PDLIM5: variants seen among roughly 807,000 people sequenced by gnomAD.
PDLIM5 encodes the protein PDZ and LIM domain protein 5.
PDLIM5 carries 34 observed loss-of-function variants against 64.2 expected under a neutral mutation model. The observed-to-expected ratio is 0.53, with a 90% confidence interval of 0.40 to 0.71. PDLIM5 has a LOEUF of 0.71. Ranked by LOEUF, PDLIM5 falls within the 30% of genes least tolerant of loss-of-function variation. The probability of loss-of-function intolerance (pLI) is 0.00; values close to 1 mark genes in which losing one functional copy is unlikely to be tolerated. For synonymous variants in PDLIM5, 253 were observed against 269.1 expected (o/e 0.94, Z 0.59); for missense variants, 683 against 733.6 (o/e 0.93, Z 0.80).
chr4:94,658,535 C>G (rs1306221502), intron 11 of PDLIM5, among the ~76,000 whole-genome samples: 1 of 152,218 alleles, frequency 6.6e-6, no homozygotes, highest in East Asian at 1.9e-4. Context: ...AGTGCATTCT[C>G]ACTACTGAGT....
chr4:94,503,019 C>G (rs1728070929), intron 2 of PDLIM5, among the ~76,000 whole-genome samples: 1 of 151,994 alleles, frequency 6.6e-6, no homozygotes, highest in Non-Finnish European at 1.5e-5. Flanking sequence ...AGGTTTTTTC[C>G]TTTCTAGTTT....
At chr4:94,567,093 C>A (rs1490149525) in intron 3 of PDLIM5, among the ~76,000 whole-genome samples, 1 of 152,170 alleles carries the variant, frequency 6.6e-6, no homozygotes, top group African/African-American at 2.4e-5. Flanking sequence ...TCCCGGTTCA[C>A]GCTGTTCTCC....
At chr4:94,464,546 C>G (rs1045452437) in intron 2 of PDLIM5, among the ~76,000 whole-genome samples, 2 of 152,142 alleles carry the variant, frequency 1.3e-5, no homozygotes, top group Non-Finnish European at 2.9e-5. Flanking sequence ...AAAACGTTAC[C>G]GGAGGACAGA....
At chr4:94,636,787 G>A (rs972973300) in intron 8 of PDLIM5, among the ~76,000 whole-genome samples, 7 of 151,962 alleles carry the variant, frequency 4.6e-5, no homozygotes, top group Non-Finnish European at 7.4e-5. Flanking sequence ...CGCCCGCCTC[G>A]GCCTCCCAAA....
At chr4:94,479,919 C>G (rs746302446) in intron 2 of PDLIM5, among the ~76,000 whole-genome samples, 1 of 152,162 alleles carries the variant, frequency 6.6e-6, no homozygotes, top group Non-Finnish European at 1.5e-5. Context: ...TTTTCCACTG[C>G]CTTTCACCAG....
intron 9 of PDLIM5, among the ~76,000 whole-genome samples, chr4:94,650,608 A>C (rs1741768047): frequency 6.6e-6 from 1 of 152,200 alleles, no homozygotes; most frequent in Non-Finnish European, 1.5e-5. Flanking sequence ...ATCTACACGT[A>C]TATGAAAAAG....
chr4:94,478,844 T>G (rs1014533497), intron 2 of PDLIM5, among the ~76,000 whole-genome samples: 2 of 151,528 alleles, frequency 1.3e-5, no homozygotes, highest in East Asian at 3.9e-4. Context: ...TTTTTTTGGT[T>G]TAAATGAATT....
intron 2 of PDLIM5, among the ~76,000 whole-genome samples, chr4:94,494,939 G>A (rs564451047): frequency 2.6e-5 from 4 of 151,930 alleles, no homozygotes; most frequent in South Asian, 4.2e-4. Flanking sequence ...TAGTACAGAC[G>A]GGGTTTCACT....
At chr4:94,605,615 G>A (rs749025067) in intron 7 of PDLIM5, among the ~76,000 whole-genome samples, 13 of 152,184 alleles carry the variant, frequency 8.5e-5, no homozygotes, top group Non-Finnish European at 1.6e-4. Context: ...CATAGTAAAT[G>A]AGGTAGTTTA....
intron 5 of PDLIM5, among the ~76,000 whole-genome samples, chr4:94,579,926 T>C (rs966656322): frequency 6.6e-6 from 1 of 152,160 alleles, no homozygotes; most frequent in African/African-American, 2.4e-5. Context: ...CAAAAGCTGA[T>C]GGTAAAGTCT....
At chr4:94,617,003 C>T (rs761230572) in intron 7 of PDLIM5, among the ~76,000 whole-genome samples, 9 of 152,186 alleles carry the variant, frequency 5.9e-5, no homozygotes, top group Non-Finnish European at 1.2e-4. Context: ...AAATGAGTCT[C>T]GAACTCCTGA....
At position 94,662,481 on chromosome 4, in the gene PDLIM5, G is replaced by A. The variant is rs763954536; in HGVS notation, c.1645G>A (p.Asp549Asn). 6.2e-7 allele frequency: 1 copy of A among 1,608,798 alleles called. No individual in the cohort carries two copies. The highest frequency in any genetic ancestry group is 1.1e-5 in the South Asian group (1 of 90,918). Reference protein sequence around the residue: ...HGCEFPIEAGDMFLEALGYTW... With the variant: ...HGCEFPIEAGNMFLEALGYTW... ...ATGTGAATTTCCCATAGAAGCTGGTGACATGTTCCTGGAAGCTCTGGGCTA... is the reference window on the plus strand; with the variant it reads ...ATGTGAATTTCCCATAGAAGCTGGTAACATGTTCCTGGAAGCTCTGGGCTA... Residue 549 changes from aspartate to asparagine, a missense_variant, in exon 12 of 13, where the codon GAC becomes AAC. By Grantham distance (23) the Asp-to-Asn change is conservative. Transcript: ENST00000317968.
At chr4:94,581,681 A>G (rs767941275) in intron 5 of PDLIM5, among the ~76,000 whole-genome samples, 2 of 152,190 alleles carry the variant, frequency 1.3e-5, no homozygotes, top group African/African-American at 2.4e-5. Flanking sequence ...TACTATGTTT[A>G]TAATGAATTG....
Position 94,665,617 on chromosome 4 carries a change from C to A in PDLIM5, c.*1550C>A, listed in dbSNP as rs906738200. ...TTCTCAAATAATAAATTAGTTAAAT[C>A]AGTTTCTGAGTTATGCCACTGGCTG... On this transcript the variant is annotated 3_prime_UTR_variant, in exon 13 of 13. Coordinates refer to ENST00000317968, the MANE Select transcript of PDLIM5 (RefSeq NM_006457.5). The A allele has an allele frequency of 4.0e-6, 4 of 994,974 alleles. No individual in the cohort carries two copies. Among genetic ancestry groups the A allele is most frequent in the Non-Finnish European group, 4.8e-6 (4 of 836,280 alleles). 61.6% of individuals were successfully genotyped at this position (994,974 alleles called of 1,614,324 possible).
At chr4:94,579,393 T>C (rs761189353) in intron 5 of PDLIM5, 7 of 439,684 alleles carry the variant, frequency 1.6e-5, no homozygotes, top group Non-Finnish European at 2.9e-5. Context: ...TATCTTATAA[T>C]AATTTTAATT....
chr4:94,502,581 A>AT (rs1253160911), intron 2 of PDLIM5, among the ~76,000 whole-genome samples: 1 of 152,160 alleles, frequency 6.6e-6, no homozygotes, highest in African/African-American at 2.4e-5. Context: ...TTTTTATGAG[A>AT]TTAAGTAAGT....
chr4:94,595,295 A>G (rs960161246), intron 7 of PDLIM5, among the ~76,000 whole-genome samples: 2 of 152,184 alleles, frequency 1.3e-5, no homozygotes, highest in Non-Finnish European at 2.9e-5. Context: ...TGGCTTCCCA[A>G]TTGTCAAAGA....
chr4:94,540,800 A>T (rs140861898), intron 3 of PDLIM5, among the ~76,000 whole-genome samples: 11 of 152,310 alleles, frequency 7.2e-5, no homozygotes, highest in African/African-American at 2.6e-4. Context: ...GCCTCCCATT[A>T]GCAACACAAA....
Position 94,527,113 on chromosome 4 carries a change from A to G in PDLIM5, c.248+3238A>G, listed in dbSNP as rs182179880. The stretch of plus-strand genomic sequence containing the variant: ...ACACTGTCACCCGGGCTGAAGTGCA[A>G]TGGCACAATCTCAGCTCACTGCACC... On this transcript the variant is annotated intron_variant, in intron 3 of 12. Coordinates refer to ENST00000317968, the MANE Select transcript of PDLIM5 (RefSeq NM_006457.5). 1.2e-4 allele frequency among the ~76,000 whole-genome samples: 15 copies of G among 121,768 alleles called. No homozygotes were observed. The East Asian group carries it at 3.2e-3, about 26-fold the overall frequency. 79.9% of individuals were successfully genotyped at this position (121,768 alleles called of 152,430 possible). A position where few individuals can be genotyped will look rare whatever the true frequency, so the allele number is the denominator to read the frequency against.
Sources: gnomAD v4.1 joint callset for allele counts (sites outside exome capture counted in the v4.1 genomes callset) on GRCh38, gnomAD v4.1.1 for gene constraint, MANE v1.5 for transcripts, NCBI Gene and HGNC (gene_info 2026-07-23, HGNC 2026-07-21) for gene names.